The following DSCAML1 variants were observed in gnomAD, a reference collection of about 807,000 sequenced individuals.
The protein encoded by DSCAML1 is cell adhesion molecule DSCAML1.
DSCAML1 carries 38 observed loss-of-function variants against 200.5 expected under a neutral mutation model. The ratio of observed to expected loss-of-function variants is 0.19; its 90% CI spans 0.15 to 0.25. The LOEUF is 0.25. Ranked by LOEUF, DSCAML1 falls within the 10% of genes least tolerant of loss-of-function variation. The pLI, the probability that DSCAML1 is intolerant of heterozygous loss-of-function variation, is 1.00. For synonymous variants in DSCAML1, 1,215 were observed against 1,165.0 expected (o/e 1.04, Z -0.87); for missense variants, 2,223 against 2,858.8 (o/e 0.78, Z 5.07).
chr11:117,467,629 G>A, intron 16 of DSCAML1, among the ~76,000 whole-genome samples: 1 of 151,634 alleles, frequency 6.6e-6, no homozygotes, highest in Non-Finnish European at 1.5e-5. Context: ...GTGTGTCTGT[G>A]TGTGTGTGTT....
intron 3 of DSCAML1, among the ~76,000 whole-genome samples, chr11:117,755,767 G>A (rs144650096): frequency 6.6e-6 from 1 of 152,074 alleles, no homozygotes; most frequent in Non-Finnish European, 1.5e-5. Flanking sequence ...CTGAGTGTTG[G>A]GGCTGACACC....
intron 8 of DSCAML1, among the ~76,000 whole-genome samples, chr11:117,506,305 G>A (rs1255284737): frequency 6.6e-6 from 1 of 152,180 alleles, no homozygotes; most frequent in African/African-American, 2.4e-5. Context: ...TCACATCACT[G>A]TTCAGTTGCT....
intron 11 of DSCAML1, among the ~76,000 whole-genome samples, chr11:117,485,026 G>A (rs1228797403): frequency 2.6e-5 from 4 of 151,926 alleles, no homozygotes; most frequent in African/African-American, 9.7e-5. Context: ...AGGCAGGCCT[G>A]CACTAACCCT....
At chr11:117,801,731 G>A (rs573935667), upstream of DSCAML1, 1 of 152,208 alleles carries the variant, frequency 6.6e-6, no homozygotes, top group African/African-American at 2.4e-5. Context: ...GATCACTGGA[G>A]CAAAGGGTCT....
intron 3 of DSCAML1, among the ~76,000 whole-genome samples, chr11:117,638,804 T>C (rs886144440): frequency 1.3e-5 from 2 of 152,260 alleles, no homozygotes; most frequent in East Asian, 1.9e-4. Flanking sequence ...GTGTTGTTTC[T>C]GCTTTTTGGC....
At chr11:117,794,765 C>T (rs186285681) in intron 1 of DSCAML1, among the ~76,000 whole-genome samples, 14 of 151,922 alleles carry the variant, frequency 9.2e-5, no homozygotes, top group African/African-American at 2.2e-4. Context: ...CCCCCTACCA[C>T]GCCACCCCAA....
chr11:117,552,800 G>C (rs1056542524), intron 3 of DSCAML1, among the ~76,000 whole-genome samples: 1 of 152,152 alleles, frequency 6.6e-6, no homozygotes, highest in African/African-American at 2.4e-5. Flanking sequence ...CAAATCCAGG[G>C]TCATTTCTGC....
intron 3 of DSCAML1, among the ~76,000 whole-genome samples, chr11:117,756,779 G>T (rs532124562): frequency 6.6e-6 from 1 of 151,996 alleles, no homozygotes; most frequent in African/African-American, 2.4e-5. Flanking sequence ...GACCAAGGAG[G>T]GGGTGATGGC....
chr11:117,624,987 C>T (rs570719417), intron 3 of DSCAML1, among the ~76,000 whole-genome samples: 20 of 152,222 alleles, frequency 1.3e-4, no homozygotes, highest in Admixed American at 6.5e-4. Flanking sequence ...CCTGGTCTCC[C>T]GCAACATACT....
rs1344333351 is a variant in DSCAML1 at position 117,729,520 on chromosome 11, T to A, written c.511+47271A>T. On this transcript the variant is annotated intron_variant, in intron 3 of 32. Transcript: ENST00000651296. ...TATAGAAGAAAATATTTGTAGAGCA[T>A]ATATCTGATAAAGGACTTGTGTGTA... Among the ~76,000 whole-genome samples, 4 of 152,184 alleles carry A rather than the reference T, an allele frequency of 2.6e-5. No individual in the cohort carries two copies. The South Asian group carries it at 6.2e-4, about 24-fold the overall frequency.
Position 117,503,494 on chromosome 11 carries a change from G to A in DSCAML1, c.2359+351C>T, listed in dbSNP as rs976656595. Among the ~76,000 whole-genome samples the A allele has an allele frequency of 4.6e-5, 7 of 152,216 alleles. No individual in the cohort carries two copies. Among genetic ancestry groups the A allele is most frequent in the Non-Finnish European group, 1.0e-4 (7 of 68,036 alleles). ...ACAAGCAGGTTGTACACAAGCAAGTGTATATTAAGTAGCAAAAATAAATGG... is the reference window on the plus strand; with the variant it reads ...ACAAGCAGGTTGTACACAAGCAAGTATATATTAAGTAGCAAAAATAAATGG... On this transcript the variant is annotated intron_variant, in intron 11 of 32. Coordinates refer to ENST00000651296, the MANE Select transcript of DSCAML1 (RefSeq NM_020693.4). This position sits in a 1 kb window ranked among gnomAD's most constrained non-coding sequence, Gnocchi z 5.2.
intron 29 of DSCAML1, among the ~76,000 whole-genome samples, chr11:117,432,760 G>A (rs890930909): frequency 6.8e-6 from 1 of 146,792 alleles, no homozygotes; most frequent in Non-Finnish European, 1.5e-5. Context: ...TACAGGATGT[G>A]TCATGCCTGG....
chr11:117,435,885 C>T (rs1224152784), intron 26 of DSCAML1, 86 bp from the exon 27 acceptor site: 2 of 1,448,098 alleles, frequency 1.4e-6, no homozygotes, highest in Non-Finnish European at 1.9e-6. Flanking sequence ...AGTCCTCTGA[C>T]CTCTCTTGCT....
chr11:117,614,345 G>A (rs2051765908), intron 3 of DSCAML1, among the ~76,000 whole-genome samples: 1 of 152,106 alleles, frequency 6.6e-6, no homozygotes, highest in Admixed American at 6.5e-5. Context: ...ATACACCACT[G>A]GTTCTTAACT....
chr11:117,674,775 G>T (rs1005374025), intron 3 of DSCAML1, among the ~76,000 whole-genome samples: 1 of 152,118 alleles, frequency 6.6e-6, no homozygotes, highest in Non-Finnish European at 1.5e-5. Context: ...ATCTCTGCTT[G>T]TGTGTTCAGA....
intron 3 of DSCAML1, among the ~76,000 whole-genome samples, chr11:117,620,136 T>C (rs896323852): frequency 1.8e-4 from 28 of 152,256 alleles, no homozygotes; most frequent in Non-Finnish European, 3.7e-4. Flanking sequence ...TGAGGTCCCA[T>C]ATGTGAACGA....
chr11:117,696,234 G>A (rs997712958), intron 3 of DSCAML1, among the ~76,000 whole-genome samples: 8 of 152,228 alleles, frequency 5.3e-5, no homozygotes, highest in African/African-American at 1.9e-4. Context: ...GGCTACTTCG[G>A]AGAGACAGAG....
intron 3 of DSCAML1, among the ~76,000 whole-genome samples, chr11:117,624,364 T>C (rs2052000604): frequency 6.6e-6 from 1 of 151,912 alleles, no homozygotes; most frequent in Non-Finnish European, 1.5e-5. Flanking sequence ...CTTGATAGAG[T>C]AGTGAATGGA....
intron 1 of DSCAML1, among the ~76,000 whole-genome samples, chr11:117,809,993 A>G (rs908099126): frequency 1.4e-5 from 2 of 142,152 alleles, no homozygotes; most frequent in African/African-American, 4.9e-5. Context: ...ACACACATTC[A>G]CATACACACA....
Sources: gnomAD v4.1 joint callset for allele counts (sites outside exome capture counted in the v4.1 genomes callset) on GRCh38, gnomAD v4.1.1 for gene constraint, Gnocchi (gnomAD v3.1) non-coding constraint, MANE v1.5 for transcripts, NCBI Gene and HGNC (gene_info 2026-07-23, HGNC 2026-07-21) for gene names.